The following DGKD variants were observed in gnomAD, a reference collection of about 807,000 sequenced individuals.
DGKD encodes the protein DAG kinase delta.
A neutral mutation model predicts 154.4 loss-of-function variants in DGKD; 68 were observed. The observed-to-expected ratio is 0.44, with a 90% confidence interval of 0.36 to 0.54. The LOEUF is 0.54. Among genes scored for constraint, DGKD ranks in the 20% least tolerant of loss-of-function variants. DGKD has a pLI of 0.00. For synonymous variants in DGKD, 693 were observed against 638.0 expected (o/e 1.09, Z -1.30); for missense variants, 1,343 against 1,593.6 (o/e 0.84, Z 2.68).
At chr2:233,464,059 A>C (rs2063751077) in intron 26 of DGKD, 105 bp from the exon 27 acceptor site, 1 of 1,488,536 alleles carries the variant, frequency 6.7e-7, no homozygotes, top group Non-Finnish European at 9.1e-7. Context: ...GAGCTCCCTG[A>C]TCAGAGCAGA....
intron 3 of DGKD, among the ~76,000 whole-genome samples, chr2:233,398,201 G>T (rs1344783079): frequency 6.7e-6 from 1 of 150,306 alleles, no homozygotes; most frequent in Admixed American, 6.6e-5. Context: ...GGAGTGCAGT[G>T]GTGCGATCTT....
At chr2:233,437,253 G>A in intron 7 of DGKD, 124 bp from the exon 8 acceptor site, 1 of 860,394 alleles carries the variant, frequency 1.2e-6, no homozygotes, top group Non-Finnish European at 1.9e-6. Flanking sequence ...ATGGTAGCAG[G>A]CCAGCCCAGC....
At chr2:233,464,726 G>A (rs1575179263) in intron 27 of DGKD, among the ~76,000 whole-genome samples, 3 of 152,236 alleles carry the variant, frequency 2.0e-5, no homozygotes, top group East Asian at 1.9e-4. Flanking sequence ...CCAGCTCGTC[G>A]CAGGTCTGGG....
At chr2:233,383,834 T>G (rs995471332) in intron 1 of DGKD, among the ~76,000 whole-genome samples, 1 of 152,182 alleles carries the variant, frequency 6.6e-6, no homozygotes, top group Non-Finnish European at 1.5e-5. Flanking sequence ...GTTGAGGACA[T>G]AAGCAGATAT....
At chr2:233,390,753 A>T (rs552992458) in intron 3 of DGKD, among the ~76,000 whole-genome samples, 6 of 152,190 alleles carry the variant, frequency 3.9e-5, no homozygotes, top group Non-Finnish European at 7.4e-5. Flanking sequence ...TTTTTTTGAG[A>T]CGGAGTTTGG....
At chr2:233,417,279 C>T (rs1450529212) in intron 3 of DGKD, among the ~76,000 whole-genome samples, 1 of 152,184 alleles carries the variant, frequency 6.6e-6, no homozygotes, top group Non-Finnish European at 1.5e-5. Flanking sequence ...GTGATTTGCC[C>T]ACCTCAGCCT....
At chr2:233,389,115 T>G (rs192421547) in intron 2 of DGKD, 1 of 152,346 alleles carries the variant, frequency 6.6e-6, no homozygotes, top group South Asian at 2.1e-4. Context: ...TCTGCCCGCC[T>G]TGGCCTCCCA....
intron 3 of DGKD, among the ~76,000 whole-genome samples, chr2:233,410,331 C>T (rs993602221): frequency 2.0e-5 from 3 of 152,150 alleles, no homozygotes; most frequent in Non-Finnish European, 4.4e-5. Context: ...CGTCATTGAC[C>T]GGGATCGCTT....
intron 28 of DGKD, among the ~76,000 whole-genome samples, chr2:233,467,596 G>A (rs964100994): frequency 3.3e-5 from 5 of 152,230 alleles, no homozygotes; most frequent in Admixed American, 1.3e-4. Context: ...TGCATTGGTC[G>A]AGGTTCCTGT....
chr2:233,394,379 A>C (rs1471183227), intron 3 of DGKD, among the ~76,000 whole-genome samples: 1 of 151,998 alleles, frequency 6.6e-6, no homozygotes, highest in Non-Finnish European at 1.5e-5. Context: ...GTTAGCTGGG[A>C]CTACAGGTGC....
chr2:233,424,868 A>G (rs1045022253), intron 3 of DGKD, among the ~76,000 whole-genome samples: 3 of 152,172 alleles, frequency 2.0e-5, no homozygotes, highest in Admixed American at 6.5e-5. Context: ...ATCAGCTGCC[A>G]TGTGTGTGTA....
chr2:233,460,102 T>C (rs996513110), intron 23 of DGKD, 92 bp from the exon 24 acceptor site: 32 of 1,536,838 alleles, frequency 2.1e-5, no homozygotes, highest in African/African-American at 2.8e-5. Flanking sequence ...TGTCTCTTTC[T>C]AGTTGTGATC....
In DGKD at chr2:233,397,309, G is replaced by C. The variant is rs1298147139; in HGVS notation, c.348+6826G>C. 8.1e-5 allele frequency among the ~76,000 whole-genome samples: 8 copies of C among 98,512 alleles called. 1 individual carries two copies. Among genetic ancestry groups the C allele is most frequent in the African/African-American group, 1.7e-4 (4 of 24,222 alleles). The allele number at this position is 98,512 out of a possible 152,430, so 64.6% of individuals were successfully genotyped here. ...AGGGGACCAGGGTGGCTGGGGGGGG[G>C]GCCAGAGCGAGAGGACACCAGAGGG... On this transcript the variant is annotated intron_variant, in intron 3 of 29. Transcript: ENST00000264057.
Position 233,449,511 on chromosome 2 carries a change from G to A in DGKD, c.1888+135G>A. 1 of 1,269,728 alleles carries A rather than the reference G, an allele frequency of 7.9e-7. No individual in the cohort carries two copies. The highest frequency in any genetic ancestry group is 1.1e-6 in the Non-Finnish European group (1 of 944,986). 78.7% of individuals were successfully genotyped at this position (1,269,728 alleles called of 1,614,324 possible). ...TGCGGCCCTCTCCACCCATGTCCAG[G>A]CACCAGACCCCCAACGAGTTCGCTT... On this transcript the variant is annotated intron_variant, in intron 15 of 29. Coordinates refer to ENST00000264057, the MANE Select transcript of DGKD (RefSeq NM_152879.3). This position sits in a 1 kb window ranked among gnomAD's most constrained non-coding sequence, Gnocchi z 5.3.
chr2:233,469,271 C>A, intron 29 of DGKD, 100 bp from the exon 30 acceptor site: 1 of 1,038,556 alleles, frequency 9.6e-7, no homozygotes, highest in Non-Finnish European at 1.5e-6. Flanking sequence ...CATTTGTGTT[C>A]ACAAGCCGAA....
chr2:233,433,933 CATTT>C, intron 3 of DGKD, among the ~76,000 whole-genome samples: 1 of 152,312 alleles, frequency 6.6e-6, no homozygotes, highest in South Asian at 2.1e-4. Flanking sequence ...TCTACAAGAA[CATTT>C]ATATGTGATA....
intron 24 of DGKD, among the ~76,000 whole-genome samples, chr2:233,461,747 C>G (rs1351080968): frequency 6.6e-6 from 1 of 152,264 alleles, no homozygotes; most frequent in African/African-American, 2.4e-5. Flanking sequence ...TCCACAGGGT[C>G]AGGACAGGCT....
intron 1 of DGKD, among the ~76,000 whole-genome samples, chr2:233,361,444 GA>G (rs1474393017): frequency 6.6e-6 from 1 of 152,166 alleles, no homozygotes; most frequent in Admixed American, 6.5e-5. Context: ...GTACGTTCAT[GA>G]TTGTGCATAC....
Position 233,449,097 on chromosome 2 carries a change from G to A in DGKD, c.1615-6G>A, listed in dbSNP as rs749845842. On this transcript the variant is annotated splice_polypyrimidine_tract_variant and splice_region_variant and intron_variant, in intron 14 of 29. Transcript: ENST00000264057. The surrounding 1 kb of genome is among the most constrained non-coding windows in gnomAD (Gnocchi z 5.3). Reference sequence around the variant, plus strand: ...GCTCTGCATGCCATTTCCTTTCCTTGTTCAGTGCTCTGTCCTGAAAGAGAA... The same window carrying A: ...GCTCTGCATGCCATTTCCTTTCCTTATTCAGTGCTCTGTCCTGAAAGAGAA... 3 of 1,583,146 alleles carry A rather than the reference G, an allele frequency of 1.9e-6. No homozygotes were observed. Among genetic ancestry groups the A allele is most frequent in the Admixed American group, 1.7e-5 (1 of 59,192 alleles).
Sources: allele counts gnomAD v4.1 joint callset (sites outside exome capture counted in the v4.1 genomes callset), GRCh38; gene constraint gnomAD v4.1.1; non-coding constraint Gnocchi (gnomAD v3.1); transcripts MANE v1.5; gene names NCBI Gene and HGNC (gene_info 2026-07-23, HGNC 2026-07-21).